Variants in EEIG1 observed in about 807,000 individuals in gnomAD.
EEIG1 encodes early estrogen-induced gene 1 protein.
chr9:127,967,691 T>C, the EEIG1 span, among the ~76,000 whole-genome samples: 94 of 152,310 alleles, frequency 6.2e-4, no homozygotes, highest in Non-Finnish European at 9.4e-4. Flanking sequence ...CCACAAGGCA[T>C]TGGGAAGCAG....
the EEIG1 span, among the ~76,000 whole-genome samples, chr9:127,968,986 C>A: frequency 2.0e-5 from 3 of 152,222 alleles, no homozygotes; most frequent in Non-Finnish European, 1.5e-5. Context: ...GCACTTACTA[C>A]ACGTCAGGCC....
the EEIG1 span, among the ~76,000 whole-genome samples, chr9:127,965,946 T>C: frequency 6.6e-6 from 1 of 152,118 alleles, no homozygotes; most frequent in African/African-American, 2.4e-5. Flanking sequence ...AAGAAGTTTC[T>C]GGAAGCCAAG....
the EEIG1 span, among the ~76,000 whole-genome samples, chr9:127,970,795 C>CCCTTGCCGTGCCTCT: frequency 2.6e-5 from 4 of 151,358 alleles, no homozygotes; most frequent in African/African-American, 7.3e-5. Flanking sequence ...TCAGCACGCT[C>CCCTTGCCGTGCCTCT]GCCCTTGCCG....
At chr9:127,951,112 G>T in the EEIG1 span, among the ~76,000 whole-genome samples, 1 of 152,196 alleles carries the variant, frequency 6.6e-6, no homozygotes, top group African/African-American at 2.4e-5. Context: ...GATGGGGAGG[G>T]AAGTGGGAGT....
At chr9:127,971,949 C>T in the EEIG1 span, among the ~76,000 whole-genome samples, 15 of 152,168 alleles carry the variant, frequency 9.9e-5, no homozygotes, top group Admixed American at 3.9e-4. Context: ...CAGTGGAAGC[C>T]GACGAGGCCA....
the EEIG1 span, among the ~76,000 whole-genome samples, chr9:127,955,857 A>C: frequency 6.6e-6 from 1 of 152,236 alleles, no homozygotes; most frequent in South Asian, 2.1e-4. Flanking sequence ...AAGGGTCAAG[A>C]GGGCAGGCAG....
At chr9:127,953,470 G>A in the EEIG1 span, 1 of 940,992 alleles carries the variant, frequency 1.1e-6, no homozygotes, top group Non-Finnish European at 1.7e-6. Flanking sequence ...AGGTAGGGCT[G>A]AGTGCCTCTT....
At chr9:127,962,999 T>C in the EEIG1 span, among the ~76,000 whole-genome samples, 9 of 152,082 alleles carry the variant, frequency 5.9e-5, no homozygotes, top group African/African-American at 1.9e-4. Context: ...GAGAAGGAGA[T>C]TGTTTTAACC....
At chr9:127,970,188 G>A in the EEIG1 span, among the ~76,000 whole-genome samples, 1 of 151,984 alleles carries the variant, frequency 6.6e-6, no homozygotes, top group Non-Finnish European at 1.5e-5. Flanking sequence ...ATCTCCGCAC[G>A]CTGCAGCCTC....
chr9:127,961,759 A>T, the EEIG1 span, among the ~76,000 whole-genome samples: 6 of 152,048 alleles, frequency 3.9e-5, no homozygotes, highest in African/African-American at 1.4e-4. Context: ...CAAAGACTGA[A>T]GCGAGTGGCC....
the EEIG1 span, among the ~76,000 whole-genome samples, chr9:127,955,059 G>A: frequency 2.0e-5 from 3 of 152,204 alleles, no homozygotes; most frequent in African/African-American, 7.2e-5. Context: ...GGCAGAGCCC[G>A]TGCTCAGGAA....
chr9:127,945,649 C>G, the EEIG1 span: 2 of 1,584,874 alleles, frequency 1.3e-6, no homozygotes, highest in East Asian at 2.3e-5. This position sits in a 1 kb window ranked among gnomAD's most constrained non-coding sequence, Gnocchi z 6.5. Context: ...AGCCACTCAC[C>G]GGAGATCTTG....
At chr9:127,968,262 A>G in the EEIG1 span, among the ~76,000 whole-genome samples, 18 of 151,996 alleles carry the variant, frequency 1.2e-4, no homozygotes, top group African/African-American at 4.3e-4. Flanking sequence ...ACGGATTCCC[A>G]TCCCCAGGGC....
the EEIG1 span, among the ~76,000 whole-genome samples, chr9:127,972,286 G>A: frequency 1.3e-5 from 2 of 152,064 alleles, no homozygotes; most frequent in African/African-American, 4.8e-5. The surrounding 1 kb of genome is among the most constrained non-coding windows in gnomAD (Gnocchi z 4.3). Flanking sequence ...TCAGACACCC[G>A]GTGTGCTCCT....
chr9:127,976,089 C>T, the EEIG1 span, among the ~76,000 whole-genome samples: 1 of 152,224 alleles, frequency 6.6e-6, no homozygotes, highest in Non-Finnish European at 1.5e-5. This position sits in a 1 kb window ranked among gnomAD's most constrained non-coding sequence, Gnocchi z 4.1. Context: ...AACTGCTCAG[C>T]TCTGGACTTT....
At chr9:127,948,045 A>AGGGGC in the EEIG1 span, 2 of 1,594,468 alleles carry the variant, frequency 1.3e-6, no homozygotes. Flanking sequence ...CTAGCAGGGG[A>AGGGGC]GGGGCGGACA....
At chr9:127,950,654 G>C in the EEIG1 span, 1 of 1,500,138 alleles carries the variant, frequency 6.7e-7, no homozygotes, top group African/African-American at 1.4e-5. Flanking sequence ...AAGCCCCTGG[G>C]CCAGCCCCAC....
the EEIG1 span, among the ~76,000 whole-genome samples, chr9:127,965,574 C>G: frequency 6.6e-6 from 1 of 152,176 alleles, no homozygotes; most frequent in Non-Finnish European, 1.5e-5. Flanking sequence ...CATCCGTCTG[C>G]CCCTCCCTCA....
chr9:127,955,520 C>T, the EEIG1 span, among the ~76,000 whole-genome samples: 165 of 152,360 alleles, frequency 1.1e-3, no homozygotes, highest in African/African-American at 3.7e-3. Context: ...CCCAAGGCAC[C>T]GCCCAGGTCT....
Sources: gnomAD v4.1 joint callset for allele counts (sites outside exome capture counted in the v4.1 genomes callset) on GRCh38, gnomAD v4.1.1 for gene constraint, Gnocchi (gnomAD v3.1) non-coding constraint, MANE v1.5 for transcripts, NCBI Gene and HGNC (gene_info 2026-07-23, HGNC 2026-07-21) for gene names.